The following DOK6 variants were observed in gnomAD, a reference collection of about 807,000 sequenced individuals.
DOK6 encodes the protein downstream of tyrosine kinase 6.
Under a neutral mutation model 44.0 loss-of-function variants are expected in DOK6, and 22 were observed. That is an observed-to-expected ratio of 0.50 (90% CI 0.36 to 0.71). DOK6 has a LOEUF of 0.71. Ranked by LOEUF, DOK6 falls within the 30% of genes least tolerant of loss-of-function variation. The pLI is 0.00. For missense variants in DOK6, 340 were observed against 416.4 expected (o/e 0.82, Z 1.60); for synonymous variants, 166 against 145.5 (o/e 1.14, Z -1.01).
intron 3 of DOK6, among the ~76,000 whole-genome samples, chr18:69,612,618 AGT>A (rs1389731261): frequency 2.0e-5 from 1 of 50,150 alleles, no homozygotes; most frequent in Non-Finnish European, 4.4e-5. Flanking sequence ...CACGCTGCTT[AGT>A]GTCTTTGCTC....
At chr18:69,825,430 T>C (rs1014931788) in intron 7 of DOK6, among the ~76,000 whole-genome samples, 2 of 124,850 alleles carry the variant, frequency 1.6e-5, no homozygotes, top group Admixed American at 7.7e-5. Context: ...ATAACTTCTT[T>C]TTTTTTTTTT....
intron 4 of DOK6, among the ~76,000 whole-genome samples, chr18:69,697,630 A>G (rs983078339): frequency 1.3e-5 from 2 of 152,086 alleles, no homozygotes; most frequent in African/African-American, 4.8e-5. Context: ...TTTTTCAAAA[A>G]AAAAAATCTA....
At chr18:69,739,601 A>T (rs1978733993) in intron 6 of DOK6, among the ~76,000 whole-genome samples, 3 of 152,244 alleles carry the variant, frequency 2.0e-5, no homozygotes, top group African/African-American at 7.2e-5. Flanking sequence ...TAATTTGTCT[A>T]TCATCTTGTC....
chr18:69,813,213 C>T (rs1981295015), intron 7 of DOK6, among the ~76,000 whole-genome samples: 2 of 152,014 alleles, frequency 1.3e-5, no homozygotes, highest in Admixed American at 6.6e-5. Flanking sequence ...TTTTGAAGTT[C>T]CAAAATTTGA....
At chr18:69,545,516 C>CAAAAAA (rs397760145) in intron 1 of DOK6, among the ~76,000 whole-genome samples, 5 of 69,568 alleles carry the variant, frequency 7.2e-5, no homozygotes, top group African/African-American at 1.1e-4. Flanking sequence ...AGTGAAATAC[C>CAAAAAA]AAAAAAAAAA....
At chr18:69,809,280 A>C (rs1181643154) in intron 7 of DOK6, among the ~76,000 whole-genome samples, 7 of 151,822 alleles carry the variant, frequency 4.6e-5, no homozygotes, top group Non-Finnish European at 7.4e-5. Flanking sequence ...ACCTCAATAA[A>C]TTAGGTATAG....
intron 1 of DOK6, among the ~76,000 whole-genome samples, chr18:69,531,772 C>T (rs1981992272): frequency 6.6e-6 from 1 of 152,096 alleles, no homozygotes; most frequent in Non-Finnish European, 1.5e-5. Context: ...TTGCCATTAC[C>T]TTGAAACATT....
chr18:69,560,822 A>G (rs926911134), intron 1 of DOK6, among the ~76,000 whole-genome samples: 12 of 152,150 alleles, frequency 7.9e-5, no homozygotes, highest in Admixed American at 6.6e-5. Context: ...CAGAGAGATA[A>G]ATGCCTTGCC....
chr18:69,577,058 C>A (rs903904643), intron 2 of DOK6, among the ~76,000 whole-genome samples: 1 of 152,152 alleles, frequency 6.6e-6, no homozygotes, highest in Non-Finnish European at 1.5e-5. Flanking sequence ...TAACCCAACA[C>A]TGAAAACATC....
chr18:69,497,975 G>A (rs549633224), intron 1 of DOK6, among the ~76,000 whole-genome samples: 11 of 148,326 alleles, frequency 7.4e-5, no homozygotes, highest in African/African-American at 2.8e-4. Flanking sequence ...GGGCAACAGA[G>A]CTAGACCTTG....
intron 1 of DOK6, among the ~76,000 whole-genome samples, chr18:69,490,221 A>C (rs1478894289): frequency 1.3e-5 from 2 of 152,198 alleles, no homozygotes; most frequent in African/African-American, 2.4e-5. Context: ...CTCAGTGGTG[A>C]AACGCCAGAC....
intron 5 of DOK6, among the ~76,000 whole-genome samples, chr18:69,704,812 C>G (rs1986598239): frequency 6.6e-6 from 1 of 152,122 alleles, no homozygotes; most frequent in Non-Finnish European, 1.5e-5. Context: ...AAGAATGATC[C>G]AGAAAAAGAT....
chr18:69,823,617 GTGTGTGTT>G (rs1416175444), intron 7 of DOK6, among the ~76,000 whole-genome samples: 3 of 119,844 alleles, frequency 2.5e-5, no homozygotes, highest in African/African-American at 1.0e-4. Flanking sequence ...AAGGAGAAGT[GTGTGTGTT>G]TGTGTGTGTG....
chr18:69,449,470 A>T (rs1024356516), intron 1 of DOK6, among the ~76,000 whole-genome samples: 2 of 152,252 alleles, frequency 1.3e-5, no homozygotes, highest in South Asian at 4.1e-4. Context: ...TAGCATTTGA[A>T]ATAAGGAATT....
chr18:69,756,061 A>G (rs1157827037), intron 6 of DOK6, among the ~76,000 whole-genome samples: 1 of 152,140 alleles, frequency 6.6e-6, no homozygotes, highest in Admixed American at 6.5e-5. Flanking sequence ...GAGCCACCCC[A>G]ATTCATTTCC....
chr18:69,838,792 C>T (rs1298315244), intron 7 of DOK6, among the ~76,000 whole-genome samples: 1 of 149,998 alleles, frequency 6.7e-6, no homozygotes, highest in Non-Finnish European at 1.5e-5. Flanking sequence ...TCCCCAGCTC[C>T]TCCCCCTTCC....
intron 1 of DOK6, among the ~76,000 whole-genome samples, chr18:69,554,381 G>C (rs1982638667): frequency 6.6e-6 from 1 of 152,166 alleles, no homozygotes; most frequent in African/African-American, 2.4e-5. Flanking sequence ...TCTTTGAACA[G>C]TGTAGTTGAG....
chr18:69,691,225 A>T (rs916903490), intron 4 of DOK6, among the ~76,000 whole-genome samples: 3 of 151,208 alleles, frequency 2.0e-5, no homozygotes, highest in Non-Finnish European at 4.4e-5. Flanking sequence ...ATAAATAAAT[A>T]AATAAAAATA....
chr18:69,432,765 T>C (rs910594098), intron 1 of DOK6, among the ~76,000 whole-genome samples: 1 of 152,166 alleles, frequency 6.6e-6, no homozygotes, highest in African/African-American at 2.4e-5. Flanking sequence ...GAAAAAGTGA[T>C]TAATGAAAGA....
Sources: gnomAD v4.1 joint callset for allele counts (sites outside exome capture counted in the v4.1 genomes callset) on GRCh38, gnomAD v4.1.1 for gene constraint, MANE v1.5 for transcripts, NCBI Gene and HGNC (gene_info 2026-07-23, HGNC 2026-07-21) for gene names.